Variants in ALG6 observed in about 807,000 individuals in gnomAD.
ALG6 encodes ALG6 alpha-1,3-glucosyltransferase.
ALG6 carries 46 observed loss-of-function variants against 66.6 expected under a neutral mutation model. The observed-to-expected ratio is 0.69, with a 90% CI of 0.55 to 0.88. The LOEUF is 0.88. Ranked by LOEUF, ALG6 falls within the 40% of genes least tolerant of loss-of-function variation. The probability of loss-of-function intolerance (pLI) is 0.00; values close to 1 mark genes in which losing one functional copy is unlikely to be tolerated. For synonymous variants in ALG6, 185 were observed against 203.7 expected (o/e 0.91, Z 0.78); for missense variants, 505 against 586.8 (o/e 0.86, Z 1.44).
intron 3 of ALG6, among the ~76,000 whole-genome samples, chr1:63,399,458 G>A (rs1024003898): frequency 6.6e-6 from 1 of 152,170 alleles, no homozygotes; most frequent in Non-Finnish European, 1.5e-5. Flanking sequence ...TGACCTTAAA[G>A]TCTGTCTACC....
chr1:63,391,171 G>T (rs1648663114), intron 2 of ALG6, among the ~76,000 whole-genome samples: 1 of 152,130 alleles, frequency 6.6e-6, no homozygotes, highest in Non-Finnish European at 1.5e-5. Context: ...GCACTTACAG[G>T]AGAGGAAAAA....
At chr1:63,380,827 A>C (rs1338979411) in intron 2 of ALG6, among the ~76,000 whole-genome samples, 1 of 152,210 alleles carries the variant, frequency 6.6e-6, no homozygotes, top group African/African-American at 2.4e-5. Flanking sequence ...TGGAAAAGAA[A>C]ACAGGACTCC....
intron 3 of ALG6, among the ~76,000 whole-genome samples, chr1:63,399,418 C>T: frequency 6.6e-6 from 1 of 152,096 alleles, no homozygotes; most frequent in East Asian, 1.9e-4. Flanking sequence ...ACGCAGGAGT[C>T]TGAACAGCAG....
At chr1:63,402,179 G>A (rs2100412618) in intron 3 of ALG6, 75 bp from the exon 4 acceptor site, 1 of 883,848 alleles carries the variant, frequency 1.1e-6, no homozygotes, top group East Asian at 2.4e-5. Flanking sequence ...TAAGTGAGGT[G>A]CAATGTTAAA....
intron 11 of ALG6, among the ~76,000 whole-genome samples, 158 bp downstream of exon 11, chr1:63,416,115 A>G (rs1260840251): frequency 6.6e-6 from 1 of 152,236 alleles, no homozygotes; most frequent in Non-Finnish European, 1.5e-5. Context: ...CTTCTGTGTT[A>G]GACACTAAGC....
At chr1:63,390,481 G>A (rs1057181273) in intron 2 of ALG6, among the ~76,000 whole-genome samples, 14 of 152,170 alleles carry the variant, frequency 9.2e-5, no homozygotes, top group Admixed American at 7.2e-4. Context: ...GAGGGGTGAT[G>A]CAAGCACTCC....
Position 63,370,775 on chromosome 1 carries a change from C to A in ALG6, c.-203C>A, listed in dbSNP as rs572242645. On this transcript the variant is annotated 5_prime_UTR_variant, in exon 2 of 15. Coordinates refer to ENST00000263440, the MANE Select transcript of ALG6 (RefSeq NM_013339.4). Reference sequence around the variant, plus strand: ...TATCTTTTTTTTTCCCCTTAGGATACTTCTACATAGACATAATCAAGTTTT... The same window carrying A: ...TATCTTTTTTTTTCCCCTTAGGATAATTCTACATAGACATAATCAAGTTTT... 4.0e-5 allele frequency: 24 copies of A among 601,442 alleles called. No homozygotes were observed. The South Asian group carries it at 4.5e-4, about 11-fold the overall frequency. 37.3% of individuals were successfully genotyped at this position (601,442 alleles called of 1,614,324 possible).
chr1:63,435,730 A>C (rs1644675178), intron 14 of ALG6, among the ~76,000 whole-genome samples: 1 of 152,154 alleles, frequency 6.6e-6, no homozygotes, highest in South Asian at 2.1e-4. Flanking sequence ...ATATAAATTT[A>C]AACTTATTAA....
At chr1:63,431,518 G>A (rs1570092746) in intron 14 of ALG6, among the ~76,000 whole-genome samples, 2 of 152,224 alleles carry the variant, frequency 1.3e-5, no homozygotes, top group South Asian at 4.1e-4. Flanking sequence ...CCAGGCTCAA[G>A]CAGTCTTCCC....
At chr1:63,375,570 A>G (rs890110512) in intron 2 of ALG6, among the ~76,000 whole-genome samples, 9 of 151,950 alleles carry the variant, frequency 5.9e-5, no homozygotes, top group Non-Finnish European at 1.3e-4. Context: ...CATTTCTTTT[A>G]CTTCCTTAAA....
At chr1:63,398,504 G>A (rs781276324) in intron 3 of ALG6, among the ~76,000 whole-genome samples, 10 of 152,060 alleles carry the variant, frequency 6.6e-5, no homozygotes, top group Admixed American at 2.6e-4. Context: ...ACGGAGTCTC[G>A]CTCTGTTGTC....
At chr1:63,418,105 G>GC (rs540263248) in intron 11 of ALG6, among the ~76,000 whole-genome samples, 102 of 150,310 alleles carry the variant, frequency 6.8e-4, no homozygotes, top group African/African-American at 2.3e-3. Context: ...CTGCACTCCA[G>GC]CCTGGGCAAC....
At chr1:63,376,146 A>G (rs980866204) in intron 2 of ALG6, among the ~76,000 whole-genome samples, 5 of 152,194 alleles carry the variant, frequency 3.3e-5, no homozygotes, top group African/African-American at 9.7e-5. Context: ...TGTACAGCCT[A>G]CTACACCTAG....
At chr1:63,387,699 G>A (rs995140507) in intron 2 of ALG6, among the ~76,000 whole-genome samples, 24 of 151,352 alleles carry the variant, frequency 1.6e-4, no homozygotes, top group African/African-American at 4.8e-4. Context: ...GCACCACCAC[G>A]CCCAGCTAAT....
chr1:63,390,716 A>C (rs1648645060), intron 2 of ALG6, among the ~76,000 whole-genome samples: 1 of 152,084 alleles, frequency 6.6e-6, no homozygotes, highest in Admixed American at 6.6e-5. Context: ...GACTAGCCTA[A>C]ATGCTCCCTC....
chr1:63,391,184 C>T lies in ALG6; in HGVS notation c.83-5329C>T, dbSNP rs146713264. Among the ~76,000 whole-genome samples the T allele has an allele frequency of 1.8e-3, 269 of 152,304 alleles. 4 individuals are homozygous for T. Among genetic ancestry groups the T allele is most frequent in the Admixed American group, 0.015 (231 of 15,304 alleles). The stretch of plus-strand genomic sequence containing the variant: ...AAGCACTTACAGGAGAGGAAAAATA[C>T]ATTTTCCTTCTGTCCTTCTAGGTTC... On this transcript the variant is annotated intron_variant, in intron 2 of 14. Transcript: ENST00000263440.
intron 2 of ALG6, among the ~76,000 whole-genome samples, chr1:63,391,884 T>C (rs1434292618): frequency 6.6e-6 from 1 of 152,146 alleles, no homozygotes; most frequent in Non-Finnish European, 1.5e-5. Flanking sequence ...AGTAGAAAAA[T>C]TTTGATTTTA....
chr1:63,402,213 T>C (rs1423619377), intron 3 of ALG6, 41 bp from the exon 4 acceptor site: 3 of 1,185,484 alleles, frequency 2.5e-6, no homozygotes, highest in East Asian at 2.3e-5. Flanking sequence ...TCTTGAATAT[T>C]GATTAACGGA....
At chr1:63,425,525 T>C (rs1254412613) in intron 12 of ALG6, among the ~76,000 whole-genome samples, 2 of 152,110 alleles carry the variant, frequency 1.3e-5, no homozygotes, top group Non-Finnish European at 2.9e-5. Context: ...GTTGAAGCTG[T>C]TGGAAGTAGG....
Sources: allele counts gnomAD v4.1 joint callset (sites outside exome capture counted in the v4.1 genomes callset), GRCh38; gene constraint gnomAD v4.1.1; transcripts MANE v1.5; gene names NCBI Gene and HGNC (gene_info 2026-07-23, HGNC 2026-07-21).